The following ZNF354A variants were observed in gnomAD, a reference collection of about 807,000 sequenced individuals.
ZNF354A encodes the protein epididymis luminal protein 104.
Under a neutral mutation model 53.3 loss-of-function variants are expected in ZNF354A, and 25 were observed. That is an observed-to-expected ratio of 0.47 (90% confidence interval 0.34 to 0.66). ZNF354A has a LOEUF of 0.66. ZNF354A is among the 30% of genes least tolerant of loss of function. The probability of loss-of-function intolerance (pLI) is 0.01; values close to 1 mark genes in which losing one functional copy is unlikely to be tolerated. For missense variants in ZNF354A, 586 were observed against 716.8 expected (o/e 0.82, Z 2.08); for synonymous variants, 228 against 249.0 (o/e 0.92, Z 0.79).
Position 178,712,579 on chromosome 5 carries a change from A to G in ZNF354A, c.1299T>C (p.Thr433=). The G allele has an allele frequency of 6.2e-7, 1 of 1,614,236 alleles. No individual in the cohort carries two copies. The highest frequency in any genetic ancestry group is 8.5e-7 in the Non-Finnish European group (1 of 1,180,048). ...CATTACAATTATAAAACTTCTCTCC[A>G]GTATGAATGATTCGGTGTCTATTAA... ...SRLNRHRIIH[T]GEKFYNCNEC... The change falls in exon 5 of 5, where the codon ACT becomes ACC. Residue 433 remains threonine, a synonymous_variant. Coordinates refer to ENST00000335815, the MANE Select transcript of ZNF354A (RefSeq NM_005649.3).
At chr5:178,723,185 C>T (rs1765842829) in intron 4 of ZNF354A, among the ~76,000 whole-genome samples, 1 of 152,260 alleles carries the variant, frequency 6.6e-6, no homozygotes, top group Admixed American at 6.5e-5. Context: ...TCTCACCTTT[C>T]TTCAGGGAGG....
chr5:178,722,121 A>G (rs1317101081), intron 4 of ZNF354A, among the ~76,000 whole-genome samples: 1 of 151,840 alleles, frequency 6.6e-6, no homozygotes, highest in Admixed American at 6.6e-5. Context: ...CTATGGGTTC[A>G]TTTCTCTCTG....
chr5:178,719,702 C>T (rs1037552370), intron 4 of ZNF354A, among the ~76,000 whole-genome samples: 3 of 152,158 alleles, frequency 2.0e-5, no homozygotes. Flanking sequence ...AATCCCAGCA[C>T]TTTGGGAGGC....
rs1193614192 is a variant in ZNF354A, at chr5:178,730,656, G to A, written c.-152C>T. ...CGCGACCCGGCTCCGCCCCGACGGC[G>A]TCTGGGCGACCTCAGGCCCGGCGCC... On this transcript the variant is annotated 5_prime_UTR_variant, in exon 1 of 5. The change creates a new upstream start codon in the 5' untranslated region. Transcript: ENST00000335815. 1 of 151,920 alleles carries A rather than the reference G, an allele frequency of 6.6e-6. No homozygotes were observed. Among genetic ancestry groups the A allele is most frequent in the Non-Finnish European group, 1.5e-5 (1 of 67,944 alleles). The allele number at this position is 151,920 out of a possible 1,614,324, so 9.4% of individuals were successfully genotyped here.
rs1358622666 is a variant in ZNF354A at position 178,713,559 on chromosome 5, G to A, written c.319C>T (p.Leu107=). 1 of 1,606,044 alleles carries A rather than the reference G, an allele frequency of 6.2e-7. No homozygotes were observed. Among genetic ancestry groups the A allele is most frequent in the East Asian group, 2.2e-5 (1 of 44,822 alleles). The change falls in exon 5 of 5, where the codon CTG becomes TTG. Residue 107 remains leucine (L), a synonymous_variant. Coordinates refer to ENST00000335815, the MANE Select transcript of ZNF354A (RefSeq NM_005649.3). ...TQTQDSSFQG[L]ILKRSNRNVP... is the part of the protein sequence containing the mutation. Reference sequence around the variant, plus strand: ...TTCCTGTTGGATCTTTTCAGTATCAGTCCCTGAAATGAAGAGTCTTGTGTT... The same window carrying A: ...TTCCTGTTGGATCTTTTCAGTATCAATCCCTGAAATGAAGAGTCTTGTGTT...
At chr5:178,713,709 G>A in intron 4 of ZNF354A, 88 bp from the exon 5 acceptor site, 4 of 1,421,958 alleles carry the variant, frequency 2.8e-6, no homozygotes, top group South Asian at 3.3e-5. Context: ...AATAAATATT[G>A]GTGACATTTA....
At chr5:178,724,780 G>A (rs1482005934) in intron 4 of ZNF354A, among the ~76,000 whole-genome samples, 1 of 152,122 alleles carries the variant, frequency 6.6e-6, no homozygotes, top group Non-Finnish European at 1.5e-5. Flanking sequence ...CATAAATGGT[G>A]GCGTCCTAAC....
chr5:178,713,170 A>G lies in ZNF354A; in HGVS notation c.708T>C (p.His236=), dbSNP rs1184359985. The G allele has an allele frequency of 6.2e-7, 1 of 1,614,128 alleles. No homozygotes were observed. The highest frequency in any genetic ancestry group is 8.5e-7 in the Non-Finnish European group (1 of 1,180,026). Residue 236 remains histidine, a synonymous_variant, in exon 5 of 5, where the codon CAT becomes CAC. Coordinates refer to ENST00000335815, the MANE Select transcript of ZNF354A (RefSeq NM_005649.3). ...TACACTTAAATAGTTTCTCTCCACTATGGTTTTTCTCATGTTTACGAAGGG... is the reference window on the plus strand; with the variant it reads ...TACACTTAAATAGTTTCTCTCCACTGTGGTTTTTCTCATGTTTACGAAGGG... ...TSSLRKHEKN[H]SGEKLFKCKE... is the part of the protein sequence containing the mutation.
At chr5:178,729,865 A>C (rs1765995143) in intron 1 of ZNF354A, among the ~76,000 whole-genome samples, 1 of 117,818 alleles carries the variant, frequency 8.5e-6, no homozygotes, top group Non-Finnish European at 1.9e-5. Flanking sequence ...CCCATTTCTA[A>C]CACGATGTTT....
chr5:178,711,715 A>C lies in ZNF354A; in HGVS notation c.*345T>G, dbSNP rs1399916375. ...GGTGGTCTTCTAATGAGAAATCTAA[A>C]GCACACCTCCCCACCCACTCGGATA... On this transcript the variant is annotated 3_prime_UTR_variant, in exon 5 of 5. Coordinates refer to ENST00000335815, the MANE Select transcript of ZNF354A (RefSeq NM_005649.3). 5.6e-6 allele frequency: 1 copy of C among 179,738 alleles called. No homozygotes were observed. The highest frequency in any genetic ancestry group is 2.4e-5 in the African/African-American group (1 of 42,314). The allele number at this position is 179,738 out of a possible 1,614,324, so 11.1% of individuals were successfully genotyped here.
At chr5:178,714,217 C>T (rs969811534) in intron 4 of ZNF354A, among the ~76,000 whole-genome samples, 7 of 152,044 alleles carry the variant, frequency 4.6e-5, no homozygotes, top group Non-Finnish European at 2.9e-5. Context: ...GTTGGCCAGG[C>T]TGGCCTTGAA....
intron 4 of ZNF354A, among the ~76,000 whole-genome samples, chr5:178,714,829 A>G (rs951053544): frequency 6.6e-6 from 1 of 152,212 alleles, no homozygotes; most frequent in African/African-American, 2.4e-5. Context: ...CCCTTGTAGA[A>G]GTTGCCTCCT....
intron 1 of ZNF354A, among the ~76,000 whole-genome samples, chr5:178,730,067 G>GT (rs1457315102): frequency 2.0e-5 from 3 of 151,898 alleles, no homozygotes; most frequent in Non-Finnish European, 4.4e-5. Context: ...GGGTTTCACC[G>GT]TGTTAGTCAG....
Position 178,711,862 on chromosome 5 carries a change from T to C in ZNF354A, c.*198A>G. 1.8e-6 allele frequency: 1 copy of C among 551,826 alleles called. No individual in the cohort carries two copies. The allele number at this position is 551,826 out of a possible 1,614,324, so 34.2% of individuals were successfully genotyped here. On this transcript the variant is annotated 3_prime_UTR_variant, in exon 5 of 5. Coordinates refer to ENST00000335815, the MANE Select transcript of ZNF354A (RefSeq NM_005649.3). ...ATTGTAAATTCTTCATCTCAGGTTA[T>C]TTTTTTAAGTGTCTGACAGGCACAA...
At position 178,711,908 on chromosome 5, in the gene ZNF354A, A is replaced by T; in HGVS notation, c.*152T>A. The T allele has an allele frequency of 1.1e-6, 1 of 886,676 alleles. No individual in the cohort carries two copies. The highest frequency in any genetic ancestry group is 1.6e-6 in the Non-Finnish European group (1 of 613,234). 54.9% of individuals were successfully genotyped at this position (886,676 alleles called of 1,614,324 possible). A position where few individuals can be genotyped will look rare whatever the true frequency, so the allele number is the denominator to read the frequency against. ...CACAAACACTTTCCTCATATCTATT[A>T]TATAGCTGAGGTTTATCCATGGAAT... is the stretch of plus-strand genomic sequence containing the variant. On this transcript the variant is annotated 3_prime_UTR_variant, in exon 5 of 5. Coordinates refer to ENST00000335815, the MANE Select transcript of ZNF354A (RefSeq NM_005649.3).
At chr5:178,719,942 G>A (rs1271827839) in intron 4 of ZNF354A, among the ~76,000 whole-genome samples, 3 of 89,042 alleles carry the variant, frequency 3.4e-5, no homozygotes, top group Non-Finnish European at 5.5e-5. Context: ...GCGAGACTCC[G>A]TCTCAAAAAA....
chr5:178,725,396 C>T lies in ZNF354A; in HGVS notation c.236G>A (p.Gly79Asp), dbSNP rs139645713. Residue 79 changes from glycine to aspartate, a missense_variant, in exon 4 of 5, where the codon GGT becomes GAT. By Grantham distance (94) the Gly-to-Asp change is moderately conservative. Transcript: ENST00000335815. ...GEDPWEVEKD[G>D]SGVSSLGSKS... Reference sequence around the variant, plus strand: ...CTTACCTAGAGAGGAGACGCCAGAACCGTCTTTCTCCACCTCCCAGGGATC... The same window carrying T: ...CTTACCTAGAGAGGAGACGCCAGAATCGTCTTTCTCCACCTCCCAGGGATC... 1.9e-6 allele frequency: 3 copies of T among 1,613,906 alleles called. No individual in the cohort carries two copies. Among genetic ancestry groups the T allele is most frequent in the Admixed American group, 1.7e-5 (1 of 60,008 alleles).
intron 2 of ZNF354A, among the ~76,000 whole-genome samples, chr5:178,727,474 A>C (rs1013214412): frequency 6.6e-5 from 10 of 152,224 alleles, no homozygotes; most frequent in Admixed American, 6.5e-4. Context: ...GATAATGAAC[A>C]GTGCACAAAA....
intron 4 of ZNF354A, among the ~76,000 whole-genome samples, chr5:178,722,226 T>C (rs7733461): frequency 0.64 from 97,105 of 151,954 alleles, 33,675 homozygotes; most frequent in Non-Finnish European, 0.76. Flanking sequence ...GGCCAACTCA[T>C]CCTCTCCCAT....
Sources: allele counts gnomAD v4.1 joint callset (sites outside exome capture counted in the v4.1 genomes callset), GRCh38; gene constraint gnomAD v4.1.1; transcripts MANE v1.5; gene names NCBI Gene and HGNC (gene_info 2026-07-23, HGNC 2026-07-21).